PRKAR1B: variants seen among roughly 807,000 people sequenced by gnomAD.
PRKAR1B encodes cAMP-dependent protein kinase type I-beta regulatory subunit.
A neutral mutation model predicts 46.5 loss-of-function variants in PRKAR1B; 22 were observed. That is an observed-to-expected ratio of 0.47 (90% CI 0.34 to 0.68). The LOEUF (loss-of-function observed/expected upper bound fraction) is 0.68, where lower values mean the gene tolerates loss of function less well. Among genes scored for constraint, PRKAR1B ranks in the 30% least tolerant of loss-of-function variants. The pLI is 0.01. For synonymous variants in PRKAR1B, 259 were observed against 217.7 expected (o/e 1.19, Z -1.67); for missense variants, 445 against 535.6 (o/e 0.83, Z 1.67).
In PRKAR1B at chr7:566,059, T is replaced by C. The variant is rs539111952; in HGVS notation, c.891+13197A>G. ...GGATAATGGTCATTACCTCAGAGAC[T>C]CGTAAGGATTAAATGAGTTAAATAT... On this transcript the variant is annotated intron_variant, in intron 9 of 10. Transcript: ENST00000537384. Among the ~76,000 whole-genome samples, 3 of 152,284 alleles carry C rather than the reference T, an allele frequency of 2.0e-5. No homozygotes were observed. In the East Asian group the frequency reaches 5.8e-4, roughly 29 times the overall value.
chr7:685,688 T>C (rs992361231), intron 2 of PRKAR1B, among the ~76,000 whole-genome samples: 2 of 151,732 alleles, frequency 1.3e-5, no homozygotes, highest in African/African-American at 4.8e-5. Flanking sequence ...AAAGAAACAC[T>C]AGATACTAGA....
At chr7:698,081 C>CGG (rs1779866589) in intron 2 of PRKAR1B, among the ~76,000 whole-genome samples, 1 of 34,218 alleles carries the variant, frequency 2.9e-5, no homozygotes, top group African/African-American at 1.2e-4. Flanking sequence ...GGGAAGGGAG[C>CGG]AGAGGGGAGG....
At chr7:647,730 T>TG (rs1220593376) in intron 4 of PRKAR1B, among the ~76,000 whole-genome samples, 12 of 122,184 alleles carry the variant, frequency 9.8e-5, no homozygotes, top group East Asian at 2.7e-4. Flanking sequence ...GGCATGAACC[T>TG]GGGGGGGCAG....
chr7:635,039 G>A (rs1050126991), intron 4 of PRKAR1B, among the ~76,000 whole-genome samples: 8 of 152,166 alleles, frequency 5.3e-5, no homozygotes, highest in Non-Finnish European at 8.8e-5. Flanking sequence ...GCACAAATAC[G>A]TCCCAAAATG....
At chr7:595,959 A>G (rs185022342) in intron 7 of PRKAR1B, among the ~76,000 whole-genome samples, 187 bp downstream of exon 7, 1 of 152,254 alleles carries the variant, frequency 6.6e-6, no homozygotes, top group Admixed American at 6.5e-5. Context: ...CTCCCCAGCC[A>G]CCTGTCTTCT....
chr7:691,089 C>T lies in PRKAR1B; in HGVS notation c.178-10363G>A, dbSNP rs191656289. ...CACACTGGCCAGTCCGCTGCAAATC[C>T]TACCCGAAGGGTCCCACGCCCACCC... On this transcript the variant is annotated intron_variant, in intron 2 of 10. Coordinates refer to ENST00000537384, the MANE Select transcript of PRKAR1B (RefSeq NM_001164760.2). 4.8e-3 allele frequency among the ~76,000 whole-genome samples: 722 copies of T among 151,000 alleles called. 6 individuals are homozygous for T. The highest frequency in any genetic ancestry group is 7.1e-3 in the Admixed American group (108 of 15,228).
chr7:556,381 G>A lies in PRKAR1B; in HGVS notation c.892-4911C>T, dbSNP rs1402907032. 1.0e-4 allele frequency among the ~76,000 whole-genome samples: 14 copies of A among 137,444 alleles called. No homozygotes were observed. The East Asian group carries it at 2.4e-3, about 24-fold the overall frequency. The allele number at this position is 137,444 out of a possible 152,430, so 90.2% of individuals were successfully genotyped here. A position where few individuals can be genotyped will look rare whatever the true frequency, so the allele number is the denominator to read the frequency against. ...AGCTTCACTGAGTTTCCACTGCGACGTGGGTTTGCCTGATGTGAATGCAAC... is the reference window on the plus strand; with the variant it reads ...AGCTTCACTGAGTTTCCACTGCGACATGGGTTTGCCTGATGTGAATGCAAC... On this transcript the variant is annotated intron_variant, in intron 9 of 10. Transcript: ENST00000537384.
chr7:627,035 C>A (rs1163207306), intron 4 of PRKAR1B, among the ~76,000 whole-genome samples: 1 of 152,182 alleles, frequency 6.6e-6, no homozygotes, highest in Admixed American at 6.5e-5. Context: ...CCACCACGCC[C>A]AACTACTTTT....
intron 4 of PRKAR1B, among the ~76,000 whole-genome samples, chr7:670,623 G>A (rs551302840): frequency 2.0e-5 from 3 of 149,656 alleles, no homozygotes; most frequent in Non-Finnish European, 3.0e-5. Flanking sequence ...GCTCAGGACC[G>A]AGGACGGCCT....
At chr7:581,988 G>A (rs1780212081) in intron 8 of PRKAR1B, among the ~76,000 whole-genome samples, 1 of 152,180 alleles carries the variant, frequency 6.6e-6, no homozygotes, top group Non-Finnish European at 1.5e-5. Context: ...CAAGTAGCTG[G>A]GACTGCAGGC....
upstream of PRKAR1B, among the ~76,000 whole-genome samples, chr7:728,001 C>G (rs1303228722): frequency 6.6e-6 from 1 of 151,974 alleles, no homozygotes; most frequent in Non-Finnish European, 1.5e-5. Flanking sequence ...AGACTCTGCT[C>G]TGGTCATTTC....
At chr7:657,435 GA>G (rs80077769) in intron 4 of PRKAR1B, among the ~76,000 whole-genome samples, 13,107 of 152,160 alleles carry the variant, frequency 0.086, 721 homozygotes, top group South Asian at 0.24. Flanking sequence ...ATGAATGGGT[GA>G]ATGATTCATG....
At chr7:691,176 T>C (rs1219874942) in intron 2 of PRKAR1B, among the ~76,000 whole-genome samples, 1 of 151,616 alleles carries the variant, frequency 6.6e-6, no homozygotes, top group Admixed American at 6.6e-5. Context: ...AACTGTCCAC[T>C]GCGCTGCAAA....
At chr7:687,355 C>T (rs1024461569) in intron 2 of PRKAR1B, among the ~76,000 whole-genome samples, 1 of 152,168 alleles carries the variant, frequency 6.6e-6, no homozygotes. Flanking sequence ...ATTGAGAACA[C>T]TGGCACGAAA....
intron 4 of PRKAR1B, chr7:608,601 AGTGTGTGGC>A (rs1782255702): frequency 3.8e-5 from 2 of 52,512 alleles, no homozygotes; most frequent in Non-Finnish European, 1.0e-4. Context: ...AGGAGAGGTC[AGTGTGTGGC>A]AGGGCTGTAG....
chr7:661,141 C>T (rs1313318158), intron 4 of PRKAR1B, among the ~76,000 whole-genome samples: 1 of 65,714 alleles, frequency 1.5e-5, no homozygotes, highest in African/African-American at 7.0e-5. Flanking sequence ...CCAACGGGTC[C>T]AAATACCTAC....
intron 2 of PRKAR1B, among the ~76,000 whole-genome samples, chr7:697,443 C>T (rs1779802606): frequency 6.6e-6 from 1 of 152,182 alleles, no homozygotes; most frequent in South Asian, 2.1e-4. Flanking sequence ...CTGATCCACC[C>T]CGCCTGATGC....
chr7:550,646 G>A (rs112888098), intron 10 of PRKAR1B, 44 bp from the exon 11 acceptor site: 29 of 1,475,054 alleles, frequency 2.0e-5, no homozygotes, highest in African/African-American at 4.2e-5. Context: ...TGGGGGTCCT[G>A]AGGCTGCAGC....
At chr7:668,004 T>C (rs1317136006) in intron 4 of PRKAR1B, among the ~76,000 whole-genome samples, 1 of 152,216 alleles carries the variant, frequency 6.6e-6, no homozygotes, top group South Asian at 2.1e-4. Context: ...CACAACCTTA[T>C]GTATCTCCCA....
Sources: gnomAD v4.1 joint callset for allele counts (sites outside exome capture counted in the v4.1 genomes callset) on GRCh38, gnomAD v4.1.1 for gene constraint, MANE v1.5 for transcripts, NCBI Gene and HGNC (gene_info 2026-07-23, HGNC 2026-07-21) for gene names.